Variants in SYNE1 observed in about 807,000 individuals in gnomAD.
The protein encoded by SYNE1 is spectrin repeat containing nuclear envelope protein 1.
Under a neutral mutation model 1,111.0 loss-of-function variants are expected in SYNE1, and 616 were observed. That is an observed-to-expected ratio of 0.55 (90% CI 0.52 to 0.59). The LOEUF (loss-of-function observed/expected upper bound fraction) is 0.59. SYNE1 is among the 20% of genes least tolerant of loss of function. The pLI, the probability that SYNE1 is intolerant of heterozygous loss-of-function variation, is 0.00. For missense variants in SYNE1, 10,006 were observed against 10,417.0 expected, an observed-to-expected ratio of 0.96 and a Z score of 1.72; for synonymous variants, 3,855 against 3,825.8, an observed-to-expected ratio of 1.01 and a Z score of -0.28.
chr6:152,367,355 C>T lies in SYNE1; in HGVS notation c.9835G>A (p.Val3279Ile), dbSNP rs762807112. 2.4e-5 allele frequency: 39 copies of T among 1,613,986 alleles called. No homozygotes were observed. Among genetic ancestry groups the T allele is most frequent in the South Asian group, 7.7e-5 (7 of 91,078 alleles). The change falls in exon 62 of 146, where the codon GTT (valine) becomes ATT (isoleucine). Residue 3279 changes from valine (V) to isoleucine (I), a missense_variant. Val to Ile is a conservative substitution (Grantham distance 29, BLOSUM62 3). Around this residue, in one of 7 missense-constraint regions of SYNE1, gnomAD observed 4,955 missense variants for 5,017.2 expected, o/e 0.99. Transcript: ENST00000367255. ...AGAGAGAACTGATTGTGTTCTGCAA[C>T]GATTCTATCCAGTCTTGACACTTTC... ...KEKVSRLDRI[V>I]AEHNQFSLGI...
At chr6:152,472,736 T>TA in intron 14 of SYNE1, 1 of 656,872 alleles carries the variant, frequency 1.5e-6, no homozygotes, top group Non-Finnish European at 2.7e-6. Flanking sequence ...ATGATTTTAG[T>TA]ATTTTTTGCC....
chr6:152,130,544 T>C (rs1036243154), intron 145 of SYNE1, among the ~76,000 whole-genome samples, 176 bp downstream of exon 145: 2 of 152,246 alleles, frequency 1.3e-5, no homozygotes, highest in African/African-American at 4.8e-5. Flanking sequence ...TGAAATTTAC[T>C]TGAACATTTC....
At chr6:152,158,784 GC>G (rs111568548) in intron 131 of SYNE1, among the ~76,000 whole-genome samples, 8,479 of 152,168 alleles carry the variant, frequency 0.056, 438 homozygotes, top group South Asian at 0.15. Context: ...GAAGTGTTAG[GC>G]CCCTGGACAT....
chr6:152,368,166 C>T (rs1563422850), intron 61 of SYNE1: 1 of 152,518 alleles, frequency 6.6e-6, no homozygotes, highest in African/African-American at 2.4e-5. Flanking sequence ...ACTTACAGAA[C>T]AGATGAGGCC....
rs758646154 is a variant in SYNE1, at chr6:152,281,910, T to C, written c.18278A>G (p.Asp6093Gly). 6.2e-7 allele frequency: 1 copy of C among 1,614,198 alleles called. No homozygotes were observed. The highest frequency in any genetic ancestry group is 8.5e-7 in the Non-Finnish European group (1 of 1,180,042). Residue 6093 changes from aspartate (D) to glycine (G), a missense_variant, in exon 97 of 146, where the codon GAT (aspartate) becomes GGT (glycine). Physicochemically the swap from Asp to Gly is moderately conservative, Grantham distance 94 (BLOSUM62 -1). This residue lies in a region of SYNE1 where 99 missense variants were observed against 147.8 expected (regional missense o/e 0.67). Coordinates refer to ENST00000367255, the MANE Select transcript of SYNE1 (RefSeq NM_182961.4). The stretch of plus-strand genomic sequence containing the variant: ...ACTCAAGAGCCAGCTGTCCAGCTCA[T>C]CGGCTTCACAGCGATACCTCTGCAG... The part of the protein sequence containing the change: ...QALQRYRCEA[D>G]ELDSWLLSTK...
intron 3 of SYNE1, among the ~76,000 whole-genome samples, chr6:152,591,068 G>A (rs1448395448): frequency 6.6e-6 from 1 of 152,154 alleles, no homozygotes; most frequent in African/African-American, 2.4e-5. Flanking sequence ...TCTTTCAGCA[G>A]TGTCTTGTAA....
intron 11 of SYNE1, among the ~76,000 whole-genome samples, chr6:152,495,778 C>T (rs550003507): frequency 1.2e-4 from 18 of 152,310 alleles, no homozygotes; most frequent in South Asian, 6.2e-4. Context: ...AGGGGAAGGA[C>T]GCAGCAGCAG....
intron 3 of SYNE1, among the ~76,000 whole-genome samples, chr6:152,580,061 C>A (rs2099514220): frequency 6.6e-6 from 1 of 152,168 alleles, no homozygotes; most frequent in South Asian, 2.1e-4. Context: ...AATGGTAATT[C>A]TGCTTTAAGT....
chr6:152,282,260 A>G (rs1347341483), intron 96 of SYNE1, among the ~76,000 whole-genome samples: 3 of 152,232 alleles, frequency 2.0e-5, no homozygotes, highest in African/African-American at 7.2e-5. Flanking sequence ...CCAGGCAGTA[A>G]TAGAAATGAT....
rs775580267 is a variant in SYNE1, at chr6:152,151,674, C to T, written c.24329G>A (p.Arg8110His). The change falls in exon 135 of 146, where the codon CGT (arginine) becomes CAT (histidine). Residue 8110 changes from arginine (R) to histidine (H), a missense_variant. Around this residue, in one of 7 missense-constraint regions of SYNE1, gnomAD observed 34 missense variants for 68.3 expected, o/e 0.50. Coordinates refer to ENST00000367255, the MANE Select transcript of SYNE1 (RefSeq NM_182961.4). Reference sequence around the variant, plus strand: ...GTCCCGCGCAGTCTCAAACTCCTCACGCTGGCCAATAAAATGCTGGAAGGC... The same window carrying T: ...GTCCCGCGCAGTCTCAAACTCCTCATGCTGGCCAATAAAATGCTGGAAGGC... ...LRRLKHFIGQ[R>H]EEFETARDSI... 5 of 1,613,938 alleles carry T rather than the reference C, an allele frequency of 3.1e-6. No homozygotes were observed. Among genetic ancestry groups the T allele is most frequent in the East Asian group, 4.5e-5 (2 of 44,900 alleles).
Position 152,326,303 on chromosome 6 carries a change from A to T in SYNE1, c.15286T>A (p.Leu5096Met), listed in dbSNP as rs1262347476. The T allele has an allele frequency of 1.2e-6, 2 of 1,612,476 alleles. No homozygotes were observed. Among genetic ancestry groups the T allele is most frequent in the Non-Finnish European group, 1.7e-6 (2 of 1,178,598 alleles). The change falls in exon 79 of 146, where the codon TTG (leucine) becomes ATG (methionine). Residue 5096 changes from leucine to methionine, a missense_variant. Physicochemically the swap from Leu to Met is conservative, Grantham distance 15 (BLOSUM62 2). Around this residue, in one of 7 missense-constraint regions of SYNE1, gnomAD observed 4,955 missense variants for 5,017.2 expected, o/e 0.99. Transcript: ENST00000367255. ...SRDSGAQVDL[L>M]QRCTAQWHDY... ...CAAAACATCCTGAAATACCTCTGCA[A>T]GAGATCCACTTGGGCACCAGAGTCC...
chr6:152,447,694 C>T, intron 28 of SYNE1, 72 bp from the exon 29 acceptor site: 1 of 1,594,368 alleles, frequency 6.3e-7, no homozygotes, highest in Non-Finnish European at 8.6e-7. Flanking sequence ...ATAAAGGACT[C>T]AGCCTAAAAA....
At chr6:152,604,732 A>T (rs1213943914) in intron 3 of SYNE1, among the ~76,000 whole-genome samples, 1 of 151,534 alleles carries the variant, frequency 6.6e-6, no homozygotes, top group East Asian at 1.9e-4. Flanking sequence ...TTGAGCCTAG[A>T]AGTTTGAGAC....
intron 32 of SYNE1, among the ~76,000 whole-genome samples, chr6:152,438,463 A>C (rs982199143): frequency 6.6e-6 from 1 of 152,212 alleles, no homozygotes; most frequent in African/African-American, 2.4e-5. Flanking sequence ...AAATTAAACA[A>C]AAACAGAATA....
intron 131 of SYNE1, among the ~76,000 whole-genome samples, chr6:152,160,074 T>C (rs2062148907): frequency 6.6e-6 from 1 of 152,082 alleles, no homozygotes; most frequent in South Asian, 2.1e-4. Flanking sequence ...TGGCGCGATC[T>C]CCGCTCACTG....
intron 74 of SYNE1, among the ~76,000 whole-genome samples, chr6:152,343,397 G>T (rs1252124588): frequency 6.6e-6 from 1 of 150,786 alleles, no homozygotes; most frequent in Non-Finnish European, 1.5e-5. Context: ...GAAACTGTGT[G>T]GTCGGCCCGC....
At position 152,152,131 on chromosome 6, in the gene SYNE1, C is replaced by T; in HGVS notation, c.24140G>A (p.Arg8047Gln). ...EELKKFEAFQ[R>Q]QVHECLTQLE... Reference sequence around the variant, plus strand: ...CTGCGTCAGGCACTCGTGGACCTGTCGCTGGAAAGCCTAAGGCCACAGAGA... The same window carrying T: ...CTGCGTCAGGCACTCGTGGACCTGTTGCTGGAAAGCCTAAGGCCACAGAGA... Residue 8047 changes from arginine (R) to glutamine (Q), a missense_variant, in exon 134 of 146, where the codon CGA becomes CAA. Physicochemically the swap from Arg to Gln is conservative, Grantham distance 43. Around this residue, in one of 7 missense-constraint regions of SYNE1, gnomAD observed 2,182 missense variants for 2,287.8 expected, o/e 0.95. Coordinates refer to ENST00000367255, the MANE Select transcript of SYNE1 (RefSeq NM_182961.4). 6.2e-7 allele frequency: 1 copy of T among 1,613,974 alleles called. No homozygotes were observed. The highest frequency in any genetic ancestry group is 2.2e-5 in the East Asian group (1 of 44,876).
chr6:152,196,535 G>T (rs2074169040), intron 127 of SYNE1, among the ~76,000 whole-genome samples: 1 of 151,964 alleles, frequency 6.6e-6, no homozygotes. Context: ...CTTCAATGCA[G>T]CAGGTTCTCT....
In SYNE1 at chr6:152,170,359, A is replaced by G. The variant is rs375425478; in HGVS notation, c.23628-6034T>C. The stretch of plus-strand genomic sequence containing the variant: ...ATAGACATTGTTTTATAGTAAACAC[A>G]GTCCTTTCCCTTGCATTTTCTCATT... On this transcript the variant is annotated intron_variant, in intron 130 of 145. Coordinates refer to ENST00000367255, the MANE Select transcript of SYNE1 (RefSeq NM_182961.4). Among the ~76,000 whole-genome samples, 38 of 152,348 alleles carry G rather than the reference A, an allele frequency of 2.5e-4. 2 individuals are homozygous for G. Among genetic ancestry groups the G allele is most frequent in the Admixed American group, 1.6e-3 (25 of 15,308 alleles).
Sources: allele counts gnomAD v4.1 joint callset (sites outside exome capture counted in the v4.1 genomes callset), GRCh38; gene constraint gnomAD v4.1.1; regional missense constraint gnomAD v4.1.1; transcripts MANE v1.5; gene names NCBI Gene and HGNC (gene_info 2026-07-23, HGNC 2026-07-21).